The following SYNDIG1L variants were observed in gnomAD, a reference collection of about 807,000 sequenced individuals.
The protein encoded by SYNDIG1L is synapse differentiation-inducing gene protein 1-like.
Under a neutral mutation model 20.1 loss-of-function variants are expected in SYNDIG1L, and 13 were observed. That is an observed-to-expected ratio of 0.65 (90% CI 0.42 to 1.03). SYNDIG1L has a LOEUF of 1.03. Ranked by LOEUF, SYNDIG1L falls within the 50% of genes least tolerant of loss-of-function variation. SYNDIG1L has a pLI of 0.00. For missense variants in SYNDIG1L, 294 were observed against 305.1 expected (o/e 0.96, Z 0.27); for synonymous variants, 128 against 129.3 (o/e 0.99, Z 0.07).
At chr14:74,415,430 T>A (rs1884389436) in intron 1 of SYNDIG1L, among the ~76,000 whole-genome samples, 1 of 152,182 alleles carries the variant, frequency 6.6e-6, no homozygotes, top group South Asian at 2.1e-4. Flanking sequence ...TCCCAGGTAA[T>A]GTTGATGCTG....
chr14:74,433,110 AG>A, the SYNDIG1L span, among the ~76,000 whole-genome samples: 3 of 152,196 alleles, frequency 2.0e-5, no homozygotes, highest in East Asian at 1.9e-4. Flanking sequence ...CTTTGGCGCT[AG>A]GAGAACAATC....
chr14:74,466,974 C>T, the SYNDIG1L span, among the ~76,000 whole-genome samples: 1 of 152,100 alleles, frequency 6.6e-6, no homozygotes. Flanking sequence ...CCTCAGAAAC[C>T]CCTCACACTT....
chr14:74,412,186 G>A (rs2086136557), intron 1 of SYNDIG1L, among the ~76,000 whole-genome samples: 1 of 152,198 alleles, frequency 6.6e-6, no homozygotes, highest in African/African-American at 2.4e-5. Context: ...TCCAGCAGGT[G>A]GGGAGCACAG....
the SYNDIG1L span, among the ~76,000 whole-genome samples, chr14:74,449,438 C>CAAAAAAAAAAAAAAAAAAA: frequency 5.0e-4 from 17 of 34,014 alleles, 4 homozygotes; most frequent in East Asian, 2.2e-3. Context: ...CCTGTCTTTA[C>CAAAAAAAAAAAAAAAAAAA]AAAAAAAAAA....
chr14:74,414,229 T>C (rs2086156960), intron 1 of SYNDIG1L, among the ~76,000 whole-genome samples: 1 of 152,204 alleles, frequency 6.6e-6, no homozygotes, highest in Non-Finnish European at 1.5e-5. Flanking sequence ...TGTGTTTGTT[T>C]GTGTATGCAT....
the SYNDIG1L span, chr14:74,474,981 T>C: frequency 5.3e-5 from 8 of 152,300 alleles, no homozygotes; most frequent in Non-Finnish European, 1.0e-4. Flanking sequence ...TACAGTCTAG[T>C]AGGAAGGTAA....
the SYNDIG1L span, among the ~76,000 whole-genome samples, chr14:74,462,836 A>G: frequency 1.3e-5 from 2 of 152,092 alleles, no homozygotes; most frequent in Non-Finnish European, 2.9e-5. Context: ...TTGACTTATG[A>G]TATTTTCCAC....
At chr14:74,460,970 G>A in the SYNDIG1L span, among the ~76,000 whole-genome samples, 7 of 151,170 alleles carry the variant, frequency 4.6e-5, no homozygotes, top group African/African-American at 1.2e-4. Context: ...GCTCTTATAC[G>A]AACAGCCTCA....
At chr14:74,409,287 T>C in intron 2 of SYNDIG1L, 41 bp downstream of exon 2, 2 of 1,364,700 alleles carry the variant, frequency 1.5e-6, no homozygotes, top group Non-Finnish European at 9.7e-7. Context: ...TCTCCTTGTG[T>C]TGCTCATGCT....
At chr14:74,453,389 A>AAAG in the SYNDIG1L span, among the ~76,000 whole-genome samples, 106 of 64,148 alleles carry the variant, frequency 1.7e-3, no homozygotes, top group Middle Eastern at 7.2e-3. Context: ...AAAAAAAAAA[A>AAAG]AAGAAGAAGA....
rs539762114 is a variant in SYNDIG1L, at chr14:74,407,823, G to A, written c.558+26C>T. 6.9e-6 allele frequency: 11 copies of A among 1,601,208 alleles called. 1 individual carries two copies. The South Asian group carries it at 1.1e-4, about 16-fold the overall frequency. On this transcript the variant is annotated intron_variant, in intron 3 of 3. Coordinates refer to ENST00000331628, the MANE Select transcript of SYNDIG1L (RefSeq NM_001105579.2). ...TCCAGTAGAGTGACGGGCCAGAGAA[G>A]GGACCTGGGCCCCAGGTGCTCTTAC...
At chr14:74,450,128 T>A in the SYNDIG1L span, among the ~76,000 whole-genome samples, 6 of 152,162 alleles carry the variant, frequency 3.9e-5, no homozygotes, top group South Asian at 1.2e-3. Context: ...GTGAAATGGA[T>A]AATTTCCTTA....
chr14:74,406,777 G>A lies in SYNDIG1L; in HGVS notation c.*758C>T, dbSNP rs1053917312. On this transcript the variant is annotated 3_prime_UTR_variant, in exon 4 of 4. Transcript: ENST00000331628. ...ATGATAGGGGCGGGGAGTGGGGGGA[G>A]AGTAGGAAGAGTCATGTAGTACAGC... The A allele has an allele frequency of 2.0e-5, 3 of 152,240 alleles. No homozygotes were observed. The highest frequency in any genetic ancestry group is 4.4e-5 in the Non-Finnish European group (3 of 68,100). The allele number at this position is 152,240 out of a possible 1,614,324, so 9.4% of individuals were successfully genotyped here.
chr14:74,463,547 CTT>C, the SYNDIG1L span, among the ~76,000 whole-genome samples: 1 of 152,296 alleles, frequency 6.6e-6, no homozygotes, highest in East Asian at 1.9e-4. Flanking sequence ...TGAGGCTACT[CTT>C]TGTGCGGTCT....
At chr14:74,459,250 T>C in the SYNDIG1L span, among the ~76,000 whole-genome samples, 2 of 152,030 alleles carry the variant, frequency 1.3e-5, no homozygotes, top group Non-Finnish European at 2.9e-5. Context: ...GTGTGGTGGC[T>C]CACACCTGTA....
the SYNDIG1L span, among the ~76,000 whole-genome samples, chr14:74,464,171 T>C: frequency 1.3e-5 from 2 of 151,882 alleles, no homozygotes; most frequent in South Asian, 4.1e-4. Context: ...GGGTTGTGGG[T>C]AGGGAGTGAA....
chr14:74,439,300 G>A, the SYNDIG1L span, among the ~76,000 whole-genome samples: 5 of 152,028 alleles, frequency 3.3e-5, no homozygotes, highest in African/African-American at 1.2e-4. Flanking sequence ...GACTCTTGAG[G>A]GTCTGGGAGG....
upstream of SYNDIG1L, among the ~76,000 whole-genome samples, chr14:74,430,421 G>A (rs1013856324): frequency 1.4e-5 from 2 of 147,800 alleles, no homozygotes; most frequent in Non-Finnish European, 3.0e-5. Flanking sequence ...AAATGAAAAT[G>A]AGCGGAAGAA....
chr14:74,423,954 A>G (rs1282645839), intron 1 of SYNDIG1L, among the ~76,000 whole-genome samples: 1 of 152,114 alleles, frequency 6.6e-6, no homozygotes, highest in Non-Finnish European at 1.5e-5. Flanking sequence ...CTCTCAGTTC[A>G]GTCATTCTGA....
Sources: allele counts gnomAD v4.1 joint callset (sites outside exome capture counted in the v4.1 genomes callset), GRCh38; gene constraint gnomAD v4.1.1; transcripts MANE v1.5; gene names NCBI Gene and HGNC (gene_info 2026-07-23, HGNC 2026-07-21).